Variants in MCTP1 observed in about 807,000 individuals in gnomAD.
MCTP1 encodes multiple C2 and transmembrane domain-containing protein 1.
In MCTP1, 69 loss-of-function variants were observed where a neutral mutation model predicts 120.6. The ratio of observed to expected loss-of-function variants is 0.57; its 90% CI spans 0.47 to 0.70. MCTP1 has a LOEUF of 0.70. Among genes scored for constraint, MCTP1 ranks in the 30% least tolerant of loss-of-function variants. The pLI is 0.00. For missense variants in MCTP1, 1,203 were observed against 1,248.8 expected (o/e 0.96, Z 0.55); for synonymous variants, 529 against 493.1 (o/e 1.07, Z -0.96).
chr5:94,955,424 A>G (rs146645865), intron 2 of MCTP1, among the ~76,000 whole-genome samples: 6 of 151,934 alleles, frequency 3.9e-5, no homozygotes, highest in Non-Finnish European at 5.9e-5. Context: ...AGAACTGTTC[A>G]CTCCCCTGGT....
chr5:95,122,418 T>C (rs112195044), intron 1 of MCTP1, among the ~76,000 whole-genome samples: 95 of 152,212 alleles, frequency 6.2e-4, no homozygotes, highest in African/African-American at 2.2e-3. Flanking sequence ...TCATTGATCA[T>C]CAGAAAAATG....
chr5:94,714,913 G>A (rs904450874), intron 19 of MCTP1, 27 bp from the exon 20 acceptor site: 3 of 1,315,976 alleles, frequency 2.3e-6, no homozygotes, highest in Admixed American at 1.7e-5. Context: ...AAGAAATTCT[G>A]TATGAGTAAA....
intron 20 of MCTP1, 131 bp downstream of exon 20, chr5:94,714,646 G>A: frequency 1.4e-6 from 1 of 695,004 alleles, no homozygotes; most frequent in South Asian, 1.7e-5. Flanking sequence ...AGTAAATAAT[G>A]ATGAAACTGA....
At chr5:95,162,439 A>T (rs1392309141) in intron 1 of MCTP1, among the ~76,000 whole-genome samples, 1 of 152,202 alleles carries the variant, frequency 6.6e-6, no homozygotes, top group Non-Finnish European at 1.5e-5. Flanking sequence ...TAAATGGAAG[A>T]AAAGTCATGT....
intron 1 of MCTP1, among the ~76,000 whole-genome samples, chr5:95,152,720 G>A (rs751852600): frequency 1.1e-4 from 16 of 152,150 alleles, no homozygotes; most frequent in Admixed American, 3.3e-4. Flanking sequence ...TTTGTGTGGA[G>A]TTTGCTGAAG....
chr5:94,718,329 C>A (rs1055125534), intron 19 of MCTP1, among the ~76,000 whole-genome samples: 3 of 152,022 alleles, frequency 2.0e-5, no homozygotes. Context: ...TGAAACTGGA[C>A]CCCTTTCTTA....
intron 10 of MCTP1, among the ~76,000 whole-genome samples, chr5:94,904,619 A>T (rs1806343844): frequency 6.6e-6 from 1 of 152,202 alleles, no homozygotes; most frequent in Non-Finnish European, 1.5e-5. Context: ...ACACTTTTAT[A>T]CTTTAACTAA....
chr5:95,118,068 T>C (rs753442185), intron 1 of MCTP1, among the ~76,000 whole-genome samples: 1 of 152,052 alleles, frequency 6.6e-6, no homozygotes, highest in Non-Finnish European at 1.5e-5. Context: ...AGTTAATGCA[T>C]GTTGGGCTTA....
intron 17 of MCTP1, among the ~76,000 whole-genome samples, chr5:94,802,854 C>T (rs532278987): frequency 1.1e-4 from 17 of 152,276 alleles, no homozygotes; most frequent in African/African-American, 3.4e-4. Context: ...CTTTTTGCCT[C>T]TGTGGGTCAT....
At chr5:95,149,477 A>G (rs1167137687) in intron 1 of MCTP1, among the ~76,000 whole-genome samples, 2 of 96,260 alleles carry the variant, frequency 2.1e-5, no homozygotes, top group African/African-American at 8.3e-5. Context: ...AGGCAAGGAC[A>G]GAGCCACTGT....
chr5:95,213,180 A>G (rs1752607979), intron 1 of MCTP1, among the ~76,000 whole-genome samples: 1 of 152,212 alleles, frequency 6.6e-6, no homozygotes. Flanking sequence ...AGGATACAAA[A>G]TCAGTGCACA....
intron 1 of MCTP1, among the ~76,000 whole-genome samples, chr5:95,064,340 T>G (rs1750049841): frequency 6.6e-6 from 1 of 152,222 alleles, no homozygotes; most frequent in Non-Finnish European, 1.5e-5. Flanking sequence ...TGTGTGCTCA[T>G]GTATACAGTA....
chr5:95,211,674 T>C (rs1752392917), intron 1 of MCTP1, among the ~76,000 whole-genome samples: 1 of 152,216 alleles, frequency 6.6e-6, no homozygotes, highest in Non-Finnish European at 1.5e-5. Context: ...TTCACTCAAC[T>C]TGTCAAAGTC....
chr5:95,009,386 A>G (rs568391130), intron 2 of MCTP1, among the ~76,000 whole-genome samples: 51 of 152,232 alleles, frequency 3.4e-4, no homozygotes, highest in Middle Eastern at 6.8e-3. Flanking sequence ...TATAATATAG[A>G]TGTCTCTGCC....
intron 6 of MCTP1, among the ~76,000 whole-genome samples, chr5:94,925,019 A>T (rs1812686625): frequency 6.6e-6 from 1 of 152,202 alleles, no homozygotes; most frequent in South Asian, 2.1e-4. Flanking sequence ...TTTTCATGCC[A>T]TGTTTAATTA....
intron 6 of MCTP1, among the ~76,000 whole-genome samples, chr5:94,928,632 T>C (rs575204384): frequency 1.3e-5 from 2 of 152,254 alleles, no homozygotes; most frequent in East Asian, 3.9e-4. Flanking sequence ...TAATAGAAAG[T>C]GTGCTTGTGG....
At chr5:94,785,452 T>C (rs1777470007) in intron 18 of MCTP1, among the ~76,000 whole-genome samples, 1 of 152,090 alleles carries the variant, frequency 6.6e-6, no homozygotes, top group Non-Finnish European at 1.5e-5. Context: ...TAAATAATAA[T>C]GCTTTTATGA....
chr5:94,812,082 T>C (rs1045765113), intron 17 of MCTP1, among the ~76,000 whole-genome samples: 1 of 152,186 alleles, frequency 6.6e-6, no homozygotes, highest in African/African-American at 2.4e-5. Context: ...AAAGAAAATT[T>C]TCTGAAGTTT....
chr5:95,214,742 A>G (rs1446816330), intron 1 of MCTP1, among the ~76,000 whole-genome samples: 1 of 151,958 alleles, frequency 6.6e-6, no homozygotes, highest in Non-Finnish European at 1.5e-5. Flanking sequence ...GGAAACCATC[A>G]TTCTCAGCAA....
Sources: gnomAD v4.1 joint callset for allele counts (sites outside exome capture counted in the v4.1 genomes callset) on GRCh38, gnomAD v4.1.1 for gene constraint, MANE v1.5 for transcripts, NCBI Gene and HGNC (gene_info 2026-07-23, HGNC 2026-07-21) for gene names.